Variants in ANO3 observed in about 807,000 individuals in gnomAD.
ANO3 encodes anoctamin 3.
In ANO3, 99 loss-of-function variants were observed where a neutral mutation model predicts 144.8. The observed-to-expected ratio is 0.68, with a 90% CI of 0.58 to 0.81. ANO3 has a LOEUF of 0.81. Among genes scored for constraint, ANO3 ranks in the 30% least tolerant of loss-of-function variants. The probability of loss-of-function intolerance (pLI) is 0.00; values close to 1 mark genes in which losing one functional copy is unlikely to be tolerated. For missense variants in ANO3, 905 were observed against 1,202.2 expected, an observed-to-expected ratio of 0.75 and a Z score of 3.66; for synonymous variants, 414 against 392.6, an observed-to-expected ratio of 1.05 and a Z score of -0.64.
intron 17 of ANO3, among the ~76,000 whole-genome samples, chr11:26,612,216 G>A (rs1056196917): frequency 6.6e-6 from 1 of 151,938 alleles, no homozygotes; most frequent in Non-Finnish European, 1.5e-5. Context: ...TCTGTGGGTT[G>A]ATGGTTTTCT....
At chr11:26,396,069 C>CT (rs1857005368) in intron 1 of ANO3, among the ~76,000 whole-genome samples, 1 of 152,064 alleles carries the variant, frequency 6.6e-6, no homozygotes, top group East Asian at 1.9e-4. Context: ...ATATCCAGAA[C>CT]TACAAAGAAC....
rs145980081 is a variant in ANO3 at position 26,205,192 on chromosome 11, T to C, written c.154+15862T>C. On this transcript the variant is annotated intron_variant, in intron 1 of 27. Coordinates refer to the ANO3 transcript ENST00000672621. ...TCCTGCCCTTAACAAGTGGGAATTATTACGATTCAAGGTGAGATTTTGGTG... is the reference window on the plus strand; with the variant it reads ...TCCTGCCCTTAACAAGTGGGAATTACTACGATTCAAGGTGAGATTTTGGTG... 7.2e-4 allele frequency among the ~76,000 whole-genome samples: 110 copies of C among 152,260 alleles called. 2 individuals carry two copies. The Middle Eastern group carries it at 0.01, about 14-fold the overall frequency.
At chr11:26,324,526 T>A (rs931051079) in intron 1 of ANO3, among the ~76,000 whole-genome samples, 2 of 152,204 alleles carry the variant, frequency 1.3e-5, no homozygotes, top group Admixed American at 1.3e-4. Context: ...GAATATACAC[T>A]TTTAAAAATG....
intron 1 of ANO3, among the ~76,000 whole-genome samples, chr11:26,322,617 T>C (rs1854787706): frequency 1.3e-5 from 2 of 152,106 alleles, no homozygotes; most frequent in Non-Finnish European, 2.9e-5. Flanking sequence ...AAAGGAATTA[T>C]CAGTTTTGGG....
chr11:26,651,211 A>G (rs1853521556), intron 24 of ANO3, among the ~76,000 whole-genome samples: 1 of 152,240 alleles, frequency 6.6e-6, no homozygotes. Context: ...TCATGAATGA[A>G]TAAAAGATGA....
intron 1 of ANO3, among the ~76,000 whole-genome samples, chr11:26,203,690 T>A (rs1421929574): frequency 6.6e-6 from 1 of 152,172 alleles, no homozygotes; most frequent in Non-Finnish European, 1.5e-5. Flanking sequence ...ATCATTCACA[T>A]GTGAGTTTTA....
intron 1 of ANO3, among the ~76,000 whole-genome samples, chr11:26,191,894 A>T (rs1000348450): frequency 2.0e-5 from 3 of 152,232 alleles, no homozygotes; most frequent in Admixed American, 2.0e-4. Flanking sequence ...TTCTATTATA[A>T]CTATATAGTA....
In ANO3 at chr11:26,530,568, A is replaced by AAG. The variant is rs10674509; in HGVS notation, c.738-637_738-636insAG. Among the ~76,000 whole-genome samples the AAG allele has an allele frequency of 1.4e-5, 2 of 146,856 alleles. 1 individual carries two copies. The highest frequency in any genetic ancestry group is 3.0e-5 in the Non-Finnish European group (2 of 66,224). ...ATATTTTGCGCTTAAAAAAAAAAAA[A>AAG]CTCTCTTTCTGGCCGGGCGCAGTGG... is the stretch of plus-strand genomic sequence containing the variant. On this transcript the variant is annotated intron_variant, in intron 7 of 26. Coordinates refer to ENST00000256737, the MANE Select transcript of ANO3 (RefSeq NM_031418.4).
At chr11:26,659,097 CACAT>C (rs1372823736) in intron 26 of ANO3, among the ~76,000 whole-genome samples, 1 of 146,662 alleles carries the variant, frequency 6.8e-6, no homozygotes, top group Non-Finnish European at 1.5e-5. Context: ...CACACACACA[CACAT>C]ATATATATAC....
intron 12 of ANO3, among the ~76,000 whole-genome samples, chr11:26,548,442 A>G (rs763448066): frequency 6.6e-6 from 1 of 151,934 alleles, no homozygotes; most frequent in Non-Finnish European, 1.5e-5. Flanking sequence ...TTCAAAGCTC[A>G]ATGCTTTCTT....
At chr11:26,429,212 C>T (rs956455534) in intron 1 of ANO3, among the ~76,000 whole-genome samples, 5 of 152,142 alleles carry the variant, frequency 3.3e-5, no homozygotes, top group African/African-American at 1.2e-4. Context: ...GGCTGCCATG[C>T]ACTGTGGGAA....
chr11:26,317,868 T>C (rs1465217553), intron 1 of ANO3, among the ~76,000 whole-genome samples: 1 of 152,156 alleles, frequency 6.6e-6, no homozygotes, highest in African/African-American at 2.4e-5. Context: ...CAAATGCCCA[T>C]CAATGATAGA....
chr11:26,361,074 G>C (rs1054774640), intron 1 of ANO3, among the ~76,000 whole-genome samples: 2 of 152,126 alleles, frequency 1.3e-5, no homozygotes, highest in African/African-American at 4.8e-5. Context: ...GTTTCCAGGA[G>C]TCAGGAAAAG....
intron 14 of ANO3, among the ~76,000 whole-genome samples, chr11:26,588,097 A>G (rs1233749750): frequency 6.6e-6 from 1 of 152,158 alleles, no homozygotes; most frequent in Non-Finnish European, 1.5e-5. Flanking sequence ...CACAGATTCT[A>G]AGAACAGTAT....
intron 18 of ANO3, among the ~76,000 whole-genome samples, chr11:26,629,776 CG>C: frequency 6.6e-6 from 1 of 151,974 alleles, no homozygotes; most frequent in South Asian, 2.1e-4. Context: ...GGATTACAGG[CG>C]TGCACCTCCA....
At chr11:26,330,221 C>T (rs1006011953), upstream of ANO3, among the ~76,000 whole-genome samples, 2 of 152,042 alleles carry the variant, frequency 1.3e-5, no homozygotes, top group African/African-American at 4.8e-5. Context: ...TGGTTCACAT[C>T]AGAATGATCT....
At chr11:26,623,921 G>A (rs1051566089) in intron 17 of ANO3, among the ~76,000 whole-genome samples, 1 of 152,046 alleles carries the variant, frequency 6.6e-6, no homozygotes, top group African/African-American at 2.4e-5. Context: ...CGAGTAGCTG[G>A]GACTACAGGC....
intron 1 of ANO3, among the ~76,000 whole-genome samples, chr11:26,254,659 G>A (rs1204230436): frequency 6.6e-6 from 1 of 152,064 alleles, no homozygotes; most frequent in African/African-American, 2.4e-5. Context: ...ATCAACTTGA[G>A]ACATGATATG....
chr11:26,293,660 G>A (rs1419979422), intron 1 of ANO3, among the ~76,000 whole-genome samples: 2 of 149,818 alleles, frequency 1.3e-5, no homozygotes, highest in Non-Finnish European at 3.0e-5. Context: ...AATATATGGA[G>A]ACAGAATATT....
Sources: gnomAD v4.1 joint callset for allele counts (sites outside exome capture counted in the v4.1 genomes callset) on GRCh38, gnomAD v4.1.1 for gene constraint, MANE v1.5 for transcripts, NCBI Gene and HGNC (gene_info 2026-07-23, HGNC 2026-07-21) for gene names.